Variants in PTPRD observed in about 807,000 individuals in gnomAD.
PTPRD encodes the protein receptor-type tyrosine-protein phosphatase delta.
In PTPRD, 34 loss-of-function variants were observed where a neutral mutation model predicts 214.5. That is an observed-to-expected ratio of 0.16 (90% CI 0.12 to 0.21). The LOEUF (loss-of-function observed/expected upper bound fraction) is 0.21. Ranked by LOEUF, PTPRD falls within the 10% of genes least tolerant of loss-of-function variation. PTPRD has a pLI of 1.00. For synonymous variants in PTPRD, 1,128 were observed against 845.7 expected, an observed-to-expected ratio of 1.33 and a Z score of -5.79; for missense variants, 2,545 against 2,398.7, an observed-to-expected ratio of 1.06 and a Z score of -1.27.
intron 12 of PTPRD, among the ~76,000 whole-genome samples, chr9:8,707,204 G>A (rs1019546142): frequency 5.3e-5 from 8 of 152,152 alleles, no homozygotes; most frequent in Non-Finnish European, 8.8e-5. Context: ...GAACTGCCAG[G>A]GATGTGGTCA....
chr9:9,601,153 G>GAGAA (rs200355226), intron 7 of PTPRD, among the ~76,000 whole-genome samples: 4 of 94,090 alleles, frequency 4.3e-5, no homozygotes, highest in African/African-American at 1.1e-4. Flanking sequence ...GTGTGTGTAT[G>GAGAA]GGGGGGGGAG....
intron 5 of PTPRD, among the ~76,000 whole-genome samples, chr9:9,808,211 G>A (rs867328680): frequency 6.6e-6 from 1 of 152,140 alleles, no homozygotes; most frequent in Non-Finnish European, 1.5e-5. Context: ...CACAGAGAAC[G>A]ATTCTCCAAA....
At chr9:8,378,309 G>C (rs757014577) in intron 37 of PTPRD, among the ~76,000 whole-genome samples, 1 of 152,000 alleles carries the variant, frequency 6.6e-6, no homozygotes, top group East Asian at 1.9e-4. Context: ...CCAGGCATGG[G>C]CATCTCTATA....
chr9:10,185,797 T>G (rs868230776), intron 3 of PTPRD, among the ~76,000 whole-genome samples: 1 of 152,180 alleles, frequency 6.6e-6, no homozygotes, highest in Non-Finnish European at 1.5e-5. Flanking sequence ...GGTTGTGACC[T>G]AACTTGTTTC....
chr9:10,449,937 T>C lies in PTPRD; in HGVS notation c.-599-108920A>G, dbSNP rs544313165. ...CTTGGGATGCTGTTAATCTATAACC[T>C]TACCCCCAACCCCGTGCTCTCTGAA... On this transcript the variant is annotated intron_variant, in intron 2 of 45. Coordinates refer to ENST00000381196, the MANE Select transcript of PTPRD (RefSeq NM_002839.4). Among the ~76,000 whole-genome samples the C allele has an allele frequency of 4.4e-4, 67 of 151,856 alleles. 1 individual carries two copies. Among genetic ancestry groups the C allele is most frequent in the Admixed American group, 3.3e-4 (5 of 15,278 alleles).
intron 14 of PTPRD, among the ~76,000 whole-genome samples, chr9:8,541,223 A>G (rs1273417965): frequency 6.6e-6 from 1 of 152,046 alleles, no homozygotes; most frequent in Non-Finnish European, 1.5e-5. Context: ...ACCAAATGGA[A>G]CTAGGTTTTT....
intron 10 of PTPRD, among the ~76,000 whole-genome samples, chr9:9,033,085 T>C (rs900174793): frequency 1.3e-5 from 2 of 152,148 alleles, no homozygotes; most frequent in Non-Finnish European, 2.9e-5. Flanking sequence ...TGCGTTTGTA[T>C]GCTGGGATGG....
rs149091572 is a variant in PTPRD, at chr9:10,464,276, C to T, written c.-599-123259G>A. Among the ~76,000 whole-genome samples, 63 of 152,026 alleles carry T rather than the reference C, an allele frequency of 4.1e-4. 2 individuals carry two copies. The South Asian group carries it at 7.3e-3, about 18-fold the overall frequency. On this transcript the variant is annotated intron_variant, in intron 2 of 45. Transcript: ENST00000381196. ...ATGCAAAAATAAAGATTTTAAAAAG[C>T]TGGGCATGGCACTAGAATTGCTCGA...
At chr9:10,155,338 G>A (rs1391760767) in intron 3 of PTPRD, among the ~76,000 whole-genome samples, 2 of 151,946 alleles carry the variant, frequency 1.3e-5, no homozygotes, top group African/African-American at 4.8e-5. Context: ...CCAGCTGAAG[G>A]AGCTTTTGGA....
At chr9:9,204,106 C>T (rs939405471) in intron 9 of PTPRD, among the ~76,000 whole-genome samples, 2 of 152,014 alleles carry the variant, frequency 1.3e-5, no homozygotes, top group East Asian at 1.9e-4. Context: ...TAATGCTGTG[C>T]GCCAGGGAAC....
intron 10 of PTPRD, among the ~76,000 whole-genome samples, chr9:9,148,278 T>C (rs1181615847): frequency 6.6e-6 from 1 of 152,170 alleles, no homozygotes; most frequent in Non-Finnish European, 1.5e-5. Flanking sequence ...AAAAATGACA[T>C]GGCAACCTTT....
chr9:9,348,862 C>T (rs1405092674), intron 9 of PTPRD, among the ~76,000 whole-genome samples: 2 of 152,114 alleles, frequency 1.3e-5, no homozygotes, highest in Admixed American at 6.6e-5. Context: ...CTCTGTACTA[C>T]AACAATCTGT....
At chr9:9,006,201 G>A (rs993537114) in intron 11 of PTPRD, among the ~76,000 whole-genome samples, 7 of 61,620 alleles carry the variant, frequency 1.1e-4, no homozygotes, top group South Asian at 1.0e-3. Context: ...GTATCCAACC[G>A]ATGATGTAAT....
At chr9:9,587,860 G>A (rs677783) in intron 7 of PTPRD, among the ~76,000 whole-genome samples, 9,200 of 151,978 alleles carry the variant, frequency 0.061, 387 homozygotes, top group Non-Finnish European at 0.092. Flanking sequence ...GTTGGTGGTT[G>A]GAATTGGAGG....
intron 8 of PTPRD, among the ~76,000 whole-genome samples, chr9:9,569,941 T>C (rs894440333): frequency 2.6e-5 from 4 of 151,576 alleles, no homozygotes; most frequent in Non-Finnish European, 5.9e-5. Flanking sequence ...AGGCATTTTG[T>C]AACAAGTAAA....
intron 7 of PTPRD, among the ~76,000 whole-genome samples, chr9:9,594,256 T>C (rs939160295): frequency 2.6e-5 from 4 of 152,202 alleles, no homozygotes; most frequent in African/African-American, 9.6e-5. Flanking sequence ...AGATGGGCTA[T>C]ATAATGGAGT....
intron 11 of PTPRD, among the ~76,000 whole-genome samples, chr9:8,793,036 A>C (rs1329123466): frequency 6.6e-6 from 1 of 152,190 alleles, no homozygotes; most frequent in Non-Finnish European, 1.5e-5. Flanking sequence ...CTGGCGACCT[A>C]TGTAAGGTCC....
At chr9:8,830,213 G>A (rs983632781) in intron 11 of PTPRD, among the ~76,000 whole-genome samples, 1 of 152,130 alleles carries the variant, frequency 6.6e-6, no homozygotes, top group African/African-American at 2.4e-5. Flanking sequence ...CAGCTTACAA[G>A]GGGAGAGCCT....
chr9:9,628,386 TC>T lies in PTPRD; in HGVS notation c.-286-53606del, dbSNP rs1349371643. ...TCAATTGCCAGGTTCCCTTTTTTGT[TC>T]CCCCTTTCTGCTGGCATCTTTGATA... is the stretch of plus-strand genomic sequence containing the variant. On this transcript the variant is annotated intron_variant, in intron 7 of 45. Coordinates refer to ENST00000381196, the MANE Select transcript of PTPRD (RefSeq NM_002839.4). 4.6e-5 allele frequency among the ~76,000 whole-genome samples: 7 copies of T among 152,214 alleles called. No homozygotes were observed. In the East Asian group the frequency reaches 1.4e-3, roughly 30 times the overall value.
Sources: gnomAD v4.1 joint callset for allele counts (sites outside exome capture counted in the v4.1 genomes callset) on GRCh38, gnomAD v4.1.1 for gene constraint, MANE v1.5 for transcripts, NCBI Gene and HGNC (gene_info 2026-07-23, HGNC 2026-07-21) for gene names.